THSD7B: variants seen among roughly 807,000 people sequenced by gnomAD.
THSD7B encodes thrombospondin type 1 domain containing 7B, also known as thrombospondin type-1 domain-containing protein 7B.
Under a neutral mutation model 213.6 loss-of-function variants are expected in THSD7B, and 138 were observed. The observed-to-expected ratio is 0.65, with a 90% CI of 0.56 to 0.74. THSD7B has a LOEUF of 0.74. THSD7B is among the 30% of genes least tolerant of loss of function. THSD7B has a pLI of 0.00. For synonymous variants in THSD7B, 742 were observed against 687.0 expected, an observed-to-expected ratio of 1.08 and a Z score of -1.25; for missense variants, 1,931 against 1,991.5, an observed-to-expected ratio of 0.97 and a Z score of 0.58.
At chr2:136,901,860 T>G (rs2105013021) in intron 2 of THSD7B, among the ~76,000 whole-genome samples, 1 of 152,342 alleles carries the variant, frequency 6.6e-6, no homozygotes. Context: ...TTATTTATCT[T>G]TGTTAGACTC....
At chr2:137,214,791 C>G (rs1324212301) in intron 7 of THSD7B, among the ~76,000 whole-genome samples, 7 of 152,158 alleles carry the variant, frequency 4.6e-5, no homozygotes, top group Admixed American at 4.6e-4. Context: ...GCATAGTCTT[C>G]CATGTTGTAT....
chr2:137,651,237 C>T (rs1683131614), intron 21 of THSD7B, among the ~76,000 whole-genome samples: 1 of 151,796 alleles, frequency 6.6e-6, no homozygotes, highest in Non-Finnish European at 1.5e-5. Context: ...TTAAGTACAG[C>T]TTCAGTTTTC....
intron 3 of THSD7B, among the ~76,000 whole-genome samples, chr2:137,078,755 A>G (rs2104901855): frequency 6.6e-6 from 1 of 152,186 alleles, no homozygotes; most frequent in African/African-American, 2.4e-5. Flanking sequence ...TTTTCCCCTG[A>G]TAACTATTTG....
At chr2:136,795,144 A>G (rs1336570888) in intron 1 of THSD7B, among the ~76,000 whole-genome samples, 1 of 151,978 alleles carries the variant, frequency 6.6e-6, no homozygotes, top group Non-Finnish European at 1.5e-5. Context: ...AGCATAAATG[A>G]ATTTTCTTAC....
At chr2:136,933,169 T>TTCCTTCCTTCCTTCCTTCCTTC (rs1684663372) in intron 2 of THSD7B, among the ~76,000 whole-genome samples, 1 of 149,256 alleles carries the variant, frequency 6.7e-6, no homozygotes, top group African/African-American at 2.5e-5. Flanking sequence ...CCTTCCTTCC[T>TTCCTTCCTTCCTTCCTTCCTTC]GTTCAACATT....
intron 12 of THSD7B, among the ~76,000 whole-genome samples, chr2:137,366,283 C>T (rs142834593): frequency 2.0e-4 from 30 of 152,054 alleles, no homozygotes; most frequent in African/African-American, 6.7e-4. Context: ...GGAGAAATAC[C>T]TAATGTAAAT....
At chr2:137,314,807 G>C (rs186170120) in intron 12 of THSD7B, among the ~76,000 whole-genome samples, 1 of 152,208 alleles carries the variant, frequency 6.6e-6, no homozygotes. Context: ...TTGCCTCCCA[G>C]TTAGGCTGCT....
intron 12 of THSD7B, among the ~76,000 whole-genome samples, chr2:137,370,400 G>A (rs1685515957): frequency 6.6e-6 from 1 of 152,078 alleles, no homozygotes; most frequent in Non-Finnish European, 1.5e-5. Context: ...AATCTCTAAA[G>A]AGTGTTTGTT....
At chr2:136,839,880 G>A (rs1434673094) in intron 1 of THSD7B, among the ~76,000 whole-genome samples, 1 of 151,978 alleles carries the variant, frequency 6.6e-6, no homozygotes, top group Non-Finnish European at 1.5e-5. Flanking sequence ...GCTTCAAAAT[G>A]GTATCTTTTA....
chr2:137,614,757 C>T (rs1297151730), intron 17 of THSD7B, among the ~76,000 whole-genome samples: 2 of 152,026 alleles, frequency 1.3e-5, no homozygotes, highest in Non-Finnish European at 2.9e-5. Flanking sequence ...AGTACAAAAT[C>T]ACATGGATAG....
chr2:137,193,901 C>T (rs895906492), intron 7 of THSD7B, among the ~76,000 whole-genome samples: 17 of 151,008 alleles, frequency 1.1e-4, no homozygotes, highest in African/African-American at 4.1e-4. Context: ...TGGACTTTCT[C>T]GCTCCTGATC....
intron 12 of THSD7B, among the ~76,000 whole-genome samples, chr2:137,303,615 T>A (rs1324749458): frequency 6.8e-6 from 1 of 147,242 alleles, no homozygotes; most frequent in African/African-American, 2.5e-5. Context: ...AGAAAAAGTT[T>A]AATTGTCCCA....
chr2:137,093,734 G>GTCACATTA (rs1687992107), intron 3 of THSD7B, among the ~76,000 whole-genome samples: 1 of 151,874 alleles, frequency 6.6e-6, no homozygotes, highest in Admixed American at 6.6e-5. Context: ...TGTTGGGCTG[G>GTCACATTA]TCACATTATC....
chr2:137,114,559 G>C (rs1688411371), intron 4 of THSD7B, among the ~76,000 whole-genome samples: 1 of 152,118 alleles, frequency 6.6e-6, no homozygotes, highest in Non-Finnish European at 1.5e-5. Flanking sequence ...ATATATAGTG[G>C]CACGGTATTA....
At chr2:136,849,699 G>A (rs984444057) in intron 1 of THSD7B, among the ~76,000 whole-genome samples, 1 of 152,000 alleles carries the variant, frequency 6.6e-6, no homozygotes, top group Admixed American at 6.6e-5. Flanking sequence ...CCCTGGGAGG[G>A]CTAATGCACT....
At chr2:136,766,340 C>G (rs1309126164) in intron 1 of THSD7B, among the ~76,000 whole-genome samples, 1 of 151,104 alleles carries the variant, frequency 6.6e-6, no homozygotes, top group African/African-American at 2.4e-5. Flanking sequence ...TAGGGGCAAG[C>G]TGGGCTCGGA....
intron 15 of THSD7B, among the ~76,000 whole-genome samples, chr2:137,557,737 A>C (rs10183080): frequency 2.0e-5 from 3 of 152,054 alleles, no homozygotes; most frequent in Non-Finnish European, 4.4e-5. Context: ...AAGGACATAG[A>C]GACACAAAAA....
At chr2:136,933,108 A>ATTCCTTCGTTCC (rs1684658907) in intron 2 of THSD7B, among the ~76,000 whole-genome samples, 3 of 130,694 alleles carry the variant, frequency 2.3e-5, no homozygotes, top group African/African-American at 9.9e-5. Context: ...TTTGCCCGCC[A>ATTCCTTCGTTCC]TTCCTTCCTT....
At chr2:137,522,071 C>T (rs1347838165) in intron 15 of THSD7B, among the ~76,000 whole-genome samples, 3 of 152,204 alleles carry the variant, frequency 2.0e-5, no homozygotes, top group Non-Finnish European at 4.4e-5. Context: ...TTCTTCTGAA[C>T]TCAGCCTGAG....
Sources: allele counts gnomAD v4.1 joint callset (sites outside exome capture counted in the v4.1 genomes callset), GRCh38; gene constraint gnomAD v4.1.1; transcripts MANE v1.5; gene names NCBI Gene and HGNC (gene_info 2026-07-23, HGNC 2026-07-21).